Variants in FOXN3 observed in about 807,000 individuals in gnomAD.
FOXN3 encodes the protein forkhead box N3.
A neutral mutation model predicts 38.4 loss-of-function variants in FOXN3; 7 were observed. The observed-to-expected ratio is 0.18, with a 90% CI of 0.10 to 0.34. FOXN3 has a LOEUF of 0.34. Ranked by LOEUF, FOXN3 falls within the 10% of genes least tolerant of loss-of-function variation. FOXN3 has a pLI of 1.00. For synonymous variants in FOXN3, 230 were observed against 242.2 expected, an observed-to-expected ratio of 0.95 and a Z score of 0.47; for missense variants, 456 against 613.4, an observed-to-expected ratio of 0.74 and a Z score of 2.71.
chr14:89,594,420 T>A (rs1472426182), intron 1 of FOXN3, among the ~76,000 whole-genome samples: 1 of 152,198 alleles, frequency 6.6e-6, no homozygotes, highest in African/African-American at 2.4e-5. Context: ...GGACATGGAG[T>A]CACATTTCAC....
At chr14:89,327,680 T>C (rs1888120344) in intron 3 of FOXN3, among the ~76,000 whole-genome samples, 1 of 152,206 alleles carries the variant, frequency 6.6e-6, no homozygotes, top group Admixed American at 6.5e-5. Context: ...AAAGTGTTGC[T>C]AGGCTTCTGA....
Position 89,455,000 on chromosome 14 carries a change from A to G in FOXN3, c.-14-42510T>C, listed in dbSNP as rs562326128. ...CATTGGATAAATGGCACAAAATCCC[A>G]ACTCTTCAGATAACTCCTCAACTAA... On this transcript the variant is annotated intron_variant, in intron 1 of 6. Coordinates refer to the FOXN3 transcript ENST00000345097. 7.2e-5 allele frequency among the ~76,000 whole-genome samples: 11 copies of G among 152,330 alleles called. No individual in the cohort carries two copies. The East Asian group carries it at 2.1e-3, about 29-fold the overall frequency.
chr14:89,164,312 C>T lies in FOXN3; in HGVS notation c.852-1343G>A, dbSNP rs1316726792. Among the ~76,000 whole-genome samples the T allele has an allele frequency of 2.6e-5, 4 of 152,152 alleles. No individual in the cohort carries two copies. The highest frequency in any genetic ancestry group is 5.9e-5 in the Non-Finnish European group (4 of 68,022). On this transcript the variant is annotated intron_variant, in intron 5 of 5. Transcript: ENST00000557258. This position sits in a 1 kb window ranked among gnomAD's most constrained non-coding sequence, Gnocchi z 4.3. ...TTTTGTGGAAGACAAGGCATCTGAC[C>T]TTGGACACAAGGGCTGAAGAATTTG...
intron 1 of FOXN3, among the ~76,000 whole-genome samples, chr14:89,425,379 T>G (rs556877622): frequency 2.0e-5 from 3 of 151,262 alleles, no homozygotes; most frequent in East Asian, 3.9e-4. Flanking sequence ...TGTTTTGTTT[T>G]GTTTTTGAGA....
At chr14:89,351,737 G>T (rs531747687) in intron 2 of FOXN3, among the ~76,000 whole-genome samples, 1 of 152,184 alleles carries the variant, frequency 6.6e-6, no homozygotes, top group African/African-American at 2.4e-5. Context: ...GCAGAGAAAA[G>T]AAGTTAAATT....
At chr14:89,342,361 TA>T (rs1309183013) in intron 3 of FOXN3, among the ~76,000 whole-genome samples, 22 of 152,136 alleles carry the variant, frequency 1.4e-4, no homozygotes, top group Non-Finnish European at 2.2e-4. Flanking sequence ...TCCATTTAAA[TA>T]AAACAACACA....
At chr14:89,449,316 C>CA (rs1038784989) in intron 1 of FOXN3, among the ~76,000 whole-genome samples, 59 of 152,306 alleles carry the variant, frequency 3.9e-4, no homozygotes, top group Admixed American at 3.9e-3. Context: ...TATGGCTCTT[C>CA]AAAATCAATT....
intron 4 of FOXN3, among the ~76,000 whole-genome samples, chr14:89,277,610 C>G (rs1027635452): frequency 1.3e-5 from 2 of 152,104 alleles, no homozygotes; most frequent in Non-Finnish European, 2.9e-5. Flanking sequence ...AATACAGGCA[C>G]CCGACGTCCA....
intron 1 of FOXN3, among the ~76,000 whole-genome samples, chr14:89,521,919 G>A (rs950831052): frequency 1.3e-5 from 2 of 151,902 alleles, no homozygotes; most frequent in African/African-American, 4.8e-5. Context: ...CAGGAGGCTG[G>A]GGGTAGGGGT....
chr14:89,537,352 G>C (rs243217), intron 1 of FOXN3, among the ~76,000 whole-genome samples: 69,337 of 151,776 alleles, frequency 0.46, 16,263 homozygotes, highest in Middle Eastern at 0.51. Flanking sequence ...TGGATGGACT[G>C]TCCAACCTAG....
At chr14:89,175,912 A>T (rs1199310728) in intron 5 of FOXN3, among the ~76,000 whole-genome samples, 2 of 152,296 alleles carry the variant, frequency 1.3e-5, no homozygotes, top group East Asian at 3.9e-4. Flanking sequence ...TGTGAATGTA[A>T]GAAACCTGGG....
intron 4 of FOXN3, among the ~76,000 whole-genome samples, chr14:89,254,188 G>T (rs1197933381): frequency 6.6e-6 from 1 of 152,194 alleles, no homozygotes; most frequent in Non-Finnish European, 1.5e-5. Flanking sequence ...TCTGTAGGAT[G>T]AATGAGTTAA....
intron 3 of FOXN3, among the ~76,000 whole-genome samples, chr14:89,324,775 G>T (rs1451447034): frequency 6.6e-6 from 1 of 152,102 alleles, no homozygotes; most frequent in African/African-American, 2.4e-5. Flanking sequence ...TCCTTGACCA[G>T]CACAACTGCC....
In FOXN3 at chr14:89,219,966, G is replaced by A. The variant is rs74479273; in HGVS notation, c.746-39160C>T. The stretch of plus-strand genomic sequence containing the variant: ...CTTGCCACTTACAGAACTAATCATC[G>A]GTCTGCAGTTGACTATTTTTTTAAA... On this transcript the variant is annotated intron_variant, in intron 4 of 5. Transcript: ENST00000557258. Among the ~76,000 whole-genome samples the A allele has an allele frequency of 1.9e-3, 290 of 152,186 alleles. 1 individual carries two copies. Among genetic ancestry groups the A allele is most frequent in the East Asian group, 0.015 (76 of 5,190 alleles).
intron 1 of FOXN3, among the ~76,000 whole-genome samples, chr14:89,505,887 G>A (rs868695495): frequency 7.0e-5 from 10 of 143,782 alleles, no homozygotes; most frequent in Middle Eastern, 4.1e-3. Flanking sequence ...CTGCCCTGCC[G>A]CCCCGTCTGG....
At chr14:89,526,651 TTGTTTAGA>T (rs1171597100) in intron 1 of FOXN3, among the ~76,000 whole-genome samples, 1 of 152,220 alleles carries the variant, frequency 6.6e-6, no homozygotes, top group Non-Finnish European at 1.5e-5. Flanking sequence ...AGATTCACTA[TTGTTTAGA>T]TGTTAATTTC....
chr14:89,599,027 A>G (rs1210858610), intron 1 of FOXN3, among the ~76,000 whole-genome samples: 1 of 152,062 alleles, frequency 6.6e-6, no homozygotes, highest in Non-Finnish European at 1.5e-5. Flanking sequence ...CTGAACCTCC[A>G]GTTACACATA....
intron 1 of FOXN3, among the ~76,000 whole-genome samples, chr14:89,616,964 C>T (rs1896507335): frequency 6.6e-6 from 1 of 152,172 alleles, no homozygotes; most frequent in Non-Finnish European, 1.5e-5. Flanking sequence ...TGTGGGAAAG[C>T]TTACAGAAGC....
At chr14:89,360,659 C>T (rs115452124) in intron 2 of FOXN3, among the ~76,000 whole-genome samples, 4,928 of 151,414 alleles carry the variant, frequency 0.033, 241 homozygotes, top group African/African-American at 0.11. Context: ...CCCTCACAGC[C>T]GCAGGTTCCC....
Sources: gnomAD v4.1 joint callset for allele counts (sites outside exome capture counted in the v4.1 genomes callset) on GRCh38, gnomAD v4.1.1 for gene constraint, Gnocchi (gnomAD v3.1) non-coding constraint, MANE v1.5 for transcripts, NCBI Gene and HGNC (gene_info 2026-07-23, HGNC 2026-07-21) for gene names.